BMP1: variants seen among roughly 807,000 people sequenced by gnomAD.
The protein encoded by BMP1 is mammalian tolloid protein.
A neutral mutation model predicts 116.8 loss-of-function variants in BMP1; 63 were observed. The observed-to-expected ratio is 0.54, with a 90% CI of 0.44 to 0.67. The LOEUF (loss-of-function observed/expected upper bound fraction) is 0.67. Ranked by LOEUF, BMP1 falls within the 30% of genes least tolerant of loss-of-function variation. The pLI is 0.00. For missense variants in BMP1, 1,183 were observed against 1,358.9 expected (o/e 0.87, Z 2.04); for synonymous variants, 536 against 533.4 (o/e 1.00, Z -0.07).
intron 18 of BMP1, 73 bp from the exon 19 acceptor site, chr8:22,209,372 C>A: frequency 1.3e-6 from 2 of 1,574,046 alleles, no homozygotes; most frequent in Non-Finnish European, 1.7e-6. Context: ...TGAGGGCACG[C>A]CATGGCATAG....
chr8:22,176,488 G>A, intron 3 of BMP1, 45 bp from the exon 4 acceptor site: 1 of 1,598,886 alleles, frequency 6.3e-7, no homozygotes, highest in Non-Finnish European at 8.6e-7. Context: ...TAGGGGGTGG[G>A]ACTGCCTGGA....
At position 22,192,171 on chromosome 8, in the gene BMP1, C is replaced by A; in HGVS notation, c.1180+20C>A. 6 of 1,593,216 alleles carry A rather than the reference C, an allele frequency of 3.8e-6. No homozygotes were observed. The highest frequency in any genetic ancestry group is 2.6e-6 in the Non-Finnish European group (3 of 1,162,794). On this transcript the variant is annotated intron_variant, in intron 9 of 19. Coordinates refer to ENST00000306385, the MANE Select transcript of BMP1 (RefSeq NM_006129.5). ...TCCGAGGTAACGGCACCAGCCACCC[C>A]CTGCCCCCTCCATGCTGATTCCCTC... is the stretch of plus-strand genomic sequence containing the variant.
In BMP1 at chr8:22,195,491, G is replaced by C; in HGVS notation, c.1669G>C (p.Gly557Arg). 1.2e-6 allele frequency: 2 copies of C among 1,611,380 alleles called. No individual in the cohort carries two copies. Among genetic ancestry groups the C allele is most frequent in the Non-Finnish European group, 1.7e-6 (2 of 1,179,368 alleles). The change falls in exon 13 of 20, where the codon GGG (glycine) becomes CGG (arginine). Residue 557 changes from glycine (G) to arginine (R), a missense_variant. Transcript: ENST00000306385. ...EVDECSRPNRGGCEQRCLNTL... is the reference protein window; with the variant it reads ...EVDECSRPNRRGCEQRCLNTL... ...GGACGAGTGCTCTCGGCCCAACCGCGGGGGCTGTGAGCAGCGGTGCCTCAA... is the reference window on the plus strand; with the variant it reads ...GGACGAGTGCTCTCGGCCCAACCGCCGGGGCTGTGAGCAGCGGTGCCTCAA...
chr8:22,177,768 T>G (rs1828491952), intron 5 of BMP1, 84 bp from the exon 6 acceptor site: 1 of 1,064,116 alleles, frequency 9.4e-7, no homozygotes, highest in African/African-American at 1.6e-5. Context: ...AAGGACTCCA[T>G]TCCCTGCCCT....
In BMP1 at chr8:22,180,398, G is replaced by A. The variant is rs750808875; in HGVS notation, c.992G>A (p.Gly331Asp). 3 of 1,614,004 alleles carry A rather than the reference G, an allele frequency of 1.9e-6. No homozygotes were observed. Among genetic ancestry groups the A allele is most frequent in the Non-Finnish European group, 2.5e-6 (3 of 1,179,944 alleles). Residue 331 changes from glycine (G) to aspartate (D), a missense_variant, in exon 8 of 20, where the codon GGC (glycine) becomes GAC (aspartate). By Grantham distance (94) the Gly-to-Asp change is moderately conservative. Coordinates refer to ENST00000306385, the MANE Select transcript of BMP1 (RefSeq NM_006129.5). Reference protein sequence around the residue: ...ACGETLQDSTGNFSSPEYPNG... With the variant: ...ACGETLQDSTDNFSSPEYPNG... ...GGAGAGACCCTGCAAGACAGCACAG[G>A]CAACTTCTCCTCCCCTGAATACCCC...
intron 17 of BMP1, 146 bp from the exon 18 acceptor site, chr8:22,207,157 C>T: frequency 1.4e-6 from 2 of 1,382,684 alleles, no homozygotes; most frequent in Non-Finnish European, 2.0e-6. Flanking sequence ...CCTGCCTTCG[C>T]CCTATTCCTG....
intron 2 of BMP1, among the ~76,000 whole-genome samples, chr8:22,175,580 T>C (rs1828407583): frequency 6.6e-6 from 1 of 152,206 alleles, no homozygotes; most frequent in Non-Finnish European, 1.5e-5. Flanking sequence ...GATCAGTGCA[T>C]CACCTTGTTT....
Position 22,209,299 on chromosome 8 carries a change from G to A in BMP1, c.2576-146G>A, listed in dbSNP as rs923482611. ...AGATGGGGCAGCACAGCAATGTTCTGGGCCAGGCCCCCACCCACCCATCAC... is the reference window on the plus strand; with the variant it reads ...AGATGGGGCAGCACAGCAATGTTCTAGGCCAGGCCCCCACCCACCCATCAC... On this transcript the variant is annotated intron_variant, in intron 18 of 19. Transcript: ENST00000306385. 7 of 1,358,234 alleles carry A rather than the reference G, an allele frequency of 5.2e-6. No homozygotes were observed. The African/African-American group carries it at 7.4e-5, about 14-fold the overall frequency. The allele number at this position is 1,358,234 out of a possible 1,614,324, so 84.1% of individuals were successfully genotyped here.
chr8:22,189,433 T>TACACACACACACACACAC (rs10672713), intron 8 of BMP1, among the ~76,000 whole-genome samples: 11 of 141,378 alleles, frequency 7.8e-5, no homozygotes, highest in African/African-American at 2.6e-4. Context: ...TTGATGGAGA[T>TACACACACACACACACAC]ACACACACAC....
At chr8:22,204,363 G>T (rs1287013293) in intron 16 of BMP1, among the ~76,000 whole-genome samples, 1 of 152,170 alleles carries the variant, frequency 6.6e-6, no homozygotes, top group East Asian at 1.9e-4. Context: ...ATAGTGCCTG[G>T]CCGCCTGTTT....
At chr8:22,178,452 T>A (rs1828517769) in intron 6 of BMP1, among the ~76,000 whole-genome samples, 1 of 152,118 alleles carries the variant, frequency 6.6e-6, no homozygotes, top group Admixed American at 6.5e-5. Flanking sequence ...ACCGTGCCTT[T>A]TTTTTTAGAG....
At chr8:22,208,103 C>CA (rs1460465041) in intron 18 of BMP1, among the ~76,000 whole-genome samples, 1 of 152,146 alleles carries the variant, frequency 6.6e-6, no homozygotes, top group Non-Finnish European at 1.5e-5. Flanking sequence ...AGGCCAGTCT[C>CA]AAACTCCTGA....
intron 15 of BMP1, 173 bp from the exon 16 acceptor site, chr8:22,201,630 T>G: frequency 7.4e-7 from 1 of 1,359,678 alleles, no homozygotes; most frequent in African/African-American, 1.5e-5. Flanking sequence ...CAGTGCCCCT[T>G]TGGACCCCCT....
At chr8:22,185,221 G>A (rs1828732914) in intron 8 of BMP1, among the ~76,000 whole-genome samples, 1 of 152,160 alleles carries the variant, frequency 6.6e-6, no homozygotes, top group African/African-American at 2.4e-5. Context: ...GGAGGTCGAG[G>A]CGGGTGGATC....
chr8:22,173,543 G>A, intron 1 of BMP1, 59 bp from the exon 2 acceptor site: 1 of 1,350,706 alleles, frequency 7.4e-7, no homozygotes, highest in Admixed American at 2.2e-5. Context: ...TAGAAGCACG[G>A]TGCACCTAGG....
chr8:22,174,743 G>A (rs554933188), intron 2 of BMP1, among the ~76,000 whole-genome samples: 105 of 145,922 alleles, frequency 7.2e-4, no homozygotes, highest in African/African-American at 2.6e-3. Context: ...AGCAATTCTC[G>A]TGCCTCAGCC....
intron 19 of BMP1, among the ~76,000 whole-genome samples, chr8:22,210,908 A>G (rs144875799): frequency 6.6e-6 from 1 of 152,332 alleles, no homozygotes; most frequent in Non-Finnish European, 1.5e-5. Flanking sequence ...GAATGTCCTC[A>G]AGGTTCTCAG....
chr8:22,211,843 G>C lies in BMP1; in HGVS notation c.*115G>C. On this transcript the variant is annotated 3_prime_UTR_variant, in exon 20 of 20. Transcript: ENST00000306385. ...CCCTCTCCCCCAGGCCCCAGGACCT[G>C]CAGGGCCAATGGCCTGGTGAGACTG... 2 of 1,516,946 alleles carry C rather than the reference G, an allele frequency of 1.3e-6. No individual in the cohort carries two copies. Among genetic ancestry groups the C allele is most frequent in the South Asian group, 1.2e-5 (1 of 84,924 alleles). The allele number at this position is 1,516,946 out of a possible 1,614,324, so 94.0% of individuals were successfully genotyped here.
At chr8:22,186,675 C>T (rs769507512) in intron 8 of BMP1, among the ~76,000 whole-genome samples, 1 of 152,112 alleles carries the variant, frequency 6.6e-6, no homozygotes, top group South Asian at 2.1e-4. Flanking sequence ...CCATGTTGGC[C>T]AGTCTCGTCT....
Sources: gnomAD v4.1 joint callset for allele counts (sites outside exome capture counted in the v4.1 genomes callset) on GRCh38, gnomAD v4.1.1 for gene constraint, MANE v1.5 for transcripts, NCBI Gene and HGNC (gene_info 2026-07-23, HGNC 2026-07-21) for gene names.